Variants in IL20RB observed in about 807,000 individuals in gnomAD.
IL20RB encodes the protein interleukin-20 receptor subunit beta.
A neutral mutation model predicts 33.3 loss-of-function variants in IL20RB; 21 were observed. The observed-to-expected ratio is 0.63, with a 90% CI of 0.45 to 0.91. IL20RB has a LOEUF of 0.91. IL20RB is among the 40% of genes least tolerant of loss of function. The probability of loss-of-function intolerance (pLI) is 0.00; values close to 1 mark genes in which losing one functional copy is unlikely to be tolerated. For synonymous variants in IL20RB, 147 were observed against 146.8 expected, an observed-to-expected ratio of 1.00 and a Z score of -0.01; for missense variants, 345 against 384.8, an observed-to-expected ratio of 0.90 and a Z score of 0.86.
At chr3:137,003,150 C>G (rs1413547406) in intron 6 of IL20RB, among the ~76,000 whole-genome samples, 1 of 152,116 alleles carries the variant, frequency 6.6e-6, no homozygotes, top group African/African-American at 2.4e-5. Context: ...GGTACCAGTA[C>G]CATGCTGTTT....
chr3:136,986,317 A>G (rs1941897980), intron 3 of IL20RB, among the ~76,000 whole-genome samples: 1 of 152,230 alleles, frequency 6.6e-6, no homozygotes, highest in South Asian at 2.1e-4. Context: ...AAATGAGATA[A>G]GCATGCAGAA....
At chr3:136,972,219 C>T (rs2108185484) in intron 1 of IL20RB, among the ~76,000 whole-genome samples, 3 of 152,150 alleles carry the variant, frequency 2.0e-5, no homozygotes, top group South Asian at 4.1e-4. Flanking sequence ...TTTGTATATT[C>T]TGGATATTAC....
At chr3:136,991,197 C>T (rs1942024561) in intron 4 of IL20RB, among the ~76,000 whole-genome samples, 1 of 152,182 alleles carries the variant, frequency 6.6e-6, no homozygotes, top group South Asian at 2.1e-4. Context: ...CCATGCCAAG[C>T]CCCTGCTCAA....
chr3:136,982,144 C>T lies in IL20RB; in HGVS notation c.216-16C>T, dbSNP rs1048024220. ...AGAGGGGCTGGTGTAACTCTGTGCC[C>T]TCCTCTCTTTGACAGGGAGTACGAG... On this transcript the variant is annotated splice_polypyrimidine_tract_variant and intron_variant, in intron 2 of 6. Transcript: ENST00000329582. The T allele has an allele frequency of 5.2e-6, 8 of 1,530,488 alleles. No homozygotes were observed. The highest frequency in any genetic ancestry group is 7.1e-6 in the Non-Finnish European group (8 of 1,127,284). 94.8% of individuals were successfully genotyped at this position (1,530,488 alleles called of 1,614,324 possible).
intron 6 of IL20RB, among the ~76,000 whole-genome samples, chr3:137,004,500 G>A (rs1560078373): frequency 6.6e-6 from 1 of 152,200 alleles, no homozygotes. Flanking sequence ...TTGGGAGGGT[G>A]TATGTGTCCA....
Position 137,010,379 on chromosome 3 carries a change from A to T in IL20RB, c.*156A>T. Reference sequence around the variant, plus strand: ...AAGTCTAGAAGCAACCATCAGAGGCAGGGTGGTTTGTCTAACAGAACACTG... The same window carrying T: ...AAGTCTAGAAGCAACCATCAGAGGCTGGGTGGTTTGTCTAACAGAACACTG... On this transcript the variant is annotated 3_prime_UTR_variant, in exon 7 of 7. Coordinates refer to ENST00000329582, the MANE Select transcript of IL20RB (RefSeq NM_144717.4). 1.7e-6 allele frequency: 1 copy of T among 579,864 alleles called. No individual in the cohort carries two copies. The highest frequency in any genetic ancestry group is 3.1e-6 in the Non-Finnish European group (1 of 317,522). 35.9% of individuals were successfully genotyped at this position (579,864 alleles called of 1,614,324 possible).
chr3:136,995,262 G>A, intron 5 of IL20RB, 152 bp from the exon 6 acceptor site: 1 of 773,666 alleles, frequency 1.3e-6, no homozygotes, highest in Non-Finnish European at 2.1e-6. Flanking sequence ...TGGTAATTTT[G>A]GTCACTAGGG....
chr3:137,006,478 T>G (rs1942352558), intron 6 of IL20RB, among the ~76,000 whole-genome samples: 1 of 152,178 alleles, frequency 6.6e-6, no homozygotes, highest in Admixed American at 6.5e-5. Flanking sequence ...TTTTAACTCT[T>G]TTTTCTCTAA....
At chr3:137,006,138 T>C (rs1370015556) in intron 6 of IL20RB, among the ~76,000 whole-genome samples, 1 of 152,246 alleles carries the variant, frequency 6.6e-6, no homozygotes, top group Non-Finnish European at 1.5e-5. Context: ...AGATCTGCTG[T>C]TAGTCTGATG....
At chr3:136,987,016 C>T (rs1255210340) in intron 3 of IL20RB, among the ~76,000 whole-genome samples, 2 of 152,062 alleles carry the variant, frequency 1.3e-5, no homozygotes, top group Admixed American at 6.5e-5. Flanking sequence ...CAGACCTTCG[C>T]GGTGAGTGTT....
chr3:136,994,198 AC>A (rs1942084651), intron 5 of IL20RB, among the ~76,000 whole-genome samples: 1 of 152,034 alleles, frequency 6.6e-6, no homozygotes, highest in African/African-American at 2.4e-5. Flanking sequence ...AATGAATAAG[AC>A]CTACTATTTG....
At chr3:136,988,704 C>T (rs190180215) in intron 3 of IL20RB, among the ~76,000 whole-genome samples, 522 of 147,046 alleles carry the variant, frequency 3.5e-3, no homozygotes, top group Non-Finnish European at 6.3e-3. Context: ...GATAGTGCCA[C>T]TATACACTCC....
At chr3:136,975,686 G>A (rs1261739266) in intron 1 of IL20RB, among the ~76,000 whole-genome samples, 1 of 152,182 alleles carries the variant, frequency 6.6e-6, no homozygotes, top group African/African-American at 2.4e-5. Context: ...AGTAGTATAT[G>A]TGATTTCATC....
At chr3:137,002,099 T>C (rs1294590801) in intron 6 of IL20RB, among the ~76,000 whole-genome samples, 1 of 152,196 alleles carries the variant, frequency 6.6e-6, no homozygotes, top group Non-Finnish European at 1.5e-5. Flanking sequence ...GCAAAGGACA[T>C]GAACTTGTCC....
At chr3:136,975,756 G>T (rs78254037) in intron 1 of IL20RB, among the ~76,000 whole-genome samples, 1,612 of 152,304 alleles carry the variant, frequency 0.011, 39 homozygotes, top group African/African-American at 0.038. Context: ...GATGCCAGAT[G>T]GGCTGGTCTA....
intron 3 of IL20RB, among the ~76,000 whole-genome samples, chr3:136,983,714 C>T (rs995882438): frequency 2.6e-5 from 4 of 152,208 alleles, no homozygotes; most frequent in Non-Finnish European, 5.9e-5. Flanking sequence ...GAGACACCCC[C>T]GGCTTTGAGA....
chr3:136,959,902 G>A (rs1941170553), intron 1 of IL20RB, among the ~76,000 whole-genome samples: 2 of 152,112 alleles, frequency 1.3e-5, no homozygotes, highest in Non-Finnish European at 2.9e-5. Flanking sequence ...TAAATAAGAT[G>A]ACACAAACAA....
At chr3:136,961,362 G>A (rs1389521582) in intron 1 of IL20RB, among the ~76,000 whole-genome samples, 1 of 151,800 alleles carries the variant, frequency 6.6e-6, no homozygotes, top group Non-Finnish European at 1.5e-5. Context: ...CTAGATTTGT[G>A]GTTCCCAACC....
At chr3:136,967,003 G>A (rs1251065286) in intron 1 of IL20RB, among the ~76,000 whole-genome samples, 1 of 41,698 alleles carries the variant, frequency 2.4e-5, no homozygotes, top group African/African-American at 1.0e-4. Flanking sequence ...GTAGTTGAGC[G>A]GCTTTGAGTG....
Sources: gnomAD v4.1 joint callset for allele counts (sites outside exome capture counted in the v4.1 genomes callset) on GRCh38, gnomAD v4.1.1 for gene constraint, MANE v1.5 for transcripts, NCBI Gene and HGNC (gene_info 2026-07-23, HGNC 2026-07-21) for gene names.